The following RASAL2 variants were observed in gnomAD, a reference collection of about 807,000 sequenced individuals.
RASAL2 encodes ras GTPase-activating protein nGAP.
RASAL2 carries 58 observed loss-of-function variants against 128.9 expected under a neutral mutation model. The observed-to-expected ratio is 0.45, with a 90% CI of 0.36 to 0.56. The LOEUF (loss-of-function observed/expected upper bound fraction) is 0.56. RASAL2 is among the 20% of genes least tolerant of loss of function. The pLI is 0.00. For synonymous variants in RASAL2, 561 were observed against 580.8 expected (o/e 0.97, Z 0.49); for missense variants, 1,360 against 1,601.6 (o/e 0.85, Z 2.57).
At chr1:178,306,346 C>A (rs987524167) in intron 3 of RASAL2, among the ~76,000 whole-genome samples, 1 of 151,992 alleles carries the variant, frequency 6.6e-6, no homozygotes, top group Non-Finnish European at 1.5e-5. Context: ...TGAATAGTGC[C>A]GCAATAAACA....
intron 3 of RASAL2, among the ~76,000 whole-genome samples, chr1:178,315,324 C>A (rs779639612): frequency 0.025 from 3,537 of 142,130 alleles, 66 homozygotes; most frequent in Middle Eastern, 0.052. Context: ...ATGGCTGGGT[C>A]AAATGGTATT....
At chr1:178,424,282 G>A (rs975471520) in intron 5 of RASAL2, among the ~76,000 whole-genome samples, 5 of 149,142 alleles carry the variant, frequency 3.4e-5, no homozygotes, top group Admixed American at 6.7e-5. Flanking sequence ...TCACTCTGTC[G>A]CCCAGGCTGG....
intron 5 of RASAL2, among the ~76,000 whole-genome samples, chr1:178,432,258 T>G (rs902635548): frequency 1.3e-5 from 2 of 152,072 alleles, no homozygotes; most frequent in African/African-American, 4.8e-5. Flanking sequence ...TTCATTCATT[T>G]TCTCAACCCA....
Position 178,454,543 on chromosome 1 carries a change from A to C in RASAL2, c.2106A>C (p.Pro702=), listed in dbSNP as rs1481572372. Reference sequence around the variant, plus strand: ...GCTTTCTTTTGGAGATCTCTAATCCAGACACCATCTCAAACACCCCAGGCT... The same window carrying C: ...GCTTTCTTTTGGAGATCTCTAATCCCGACACCATCTCAAACACCCCAGGCT... ...MKRFLLEISN[P]DTISNTPGFD... is the part of the protein sequence containing the mutation. The change falls in exon 12 of 18, where the codon CCA becomes CCC. Residue 702 remains proline (P), a synonymous_variant. Coordinates refer to ENST00000367649, the MANE Select transcript of RASAL2 (RefSeq NM_170692.4). 1 of 1,613,892 alleles carries C rather than the reference A, an allele frequency of 6.2e-7. No homozygotes were observed. Among genetic ancestry groups the C allele is most frequent in the Non-Finnish European group, 8.5e-7 (1 of 1,179,760 alleles).
intron 1 of RASAL2, chr1:178,120,878 C>T (rs773421942): frequency 2.6e-5 from 4 of 152,302 alleles, no homozygotes; most frequent in African/African-American, 4.8e-5. Flanking sequence ...AGGTGGAGCT[C>T]AGGCAGTAAT....
At chr1:178,113,424 A>G (rs1194216911) in intron 1 of RASAL2, among the ~76,000 whole-genome samples, 1 of 151,500 alleles carries the variant, frequency 6.6e-6, no homozygotes, top group South Asian at 2.1e-4. Flanking sequence ...CCCACCTCAG[A>G]TTCCTTAGTA....
At chr1:178,290,618 T>C (rs1262850207) in intron 2 of RASAL2, among the ~76,000 whole-genome samples, 2 of 152,220 alleles carry the variant, frequency 1.3e-5, no homozygotes, top group African/African-American at 4.8e-5. Flanking sequence ...CACTTTAAAA[T>C]AGTAAATTTT....
At chr1:178,153,478 C>G (rs904767645) in intron 1 of RASAL2, among the ~76,000 whole-genome samples, 1 of 152,146 alleles carries the variant, frequency 6.6e-6, no homozygotes, top group East Asian at 1.9e-4. Flanking sequence ...CTTATTTTCA[C>G]CCCCAGATGT....
At chr1:178,285,367 G>A (rs1373191964) in intron 2 of RASAL2, among the ~76,000 whole-genome samples, 1 of 151,696 alleles carries the variant, frequency 6.6e-6, no homozygotes, top group Admixed American at 6.6e-5. Context: ...TGATCCACCC[G>A]CCTCGGCCTC....
chr1:178,203,198 C>T (rs1662932893), intron 1 of RASAL2, among the ~76,000 whole-genome samples: 1 of 152,204 alleles, frequency 6.6e-6, no homozygotes, highest in African/African-American at 2.4e-5. Flanking sequence ...GCCTTATCCA[C>T]TGTCATGGTA....
At chr1:178,388,025 C>G (rs1672683898) in intron 3 of RASAL2, among the ~76,000 whole-genome samples, 1 of 151,750 alleles carries the variant, frequency 6.6e-6, no homozygotes, top group Non-Finnish European at 1.5e-5. Context: ...TCATTTTATC[C>G]CAGCTAATGA....
At chr1:178,111,184 C>T (rs74987882) in intron 1 of RASAL2, among the ~76,000 whole-genome samples, 2 of 152,236 alleles carry the variant, frequency 1.3e-5, no homozygotes, top group East Asian at 3.9e-4. Context: ...TTTTGATGAA[C>T]ATTTGAGTTG....
intron 1 of RASAL2, among the ~76,000 whole-genome samples, chr1:178,251,143 G>A (rs1421654205): frequency 6.6e-6 from 1 of 152,138 alleles, no homozygotes; most frequent in Non-Finnish European, 1.5e-5. Context: ...TTGGGAAACT[G>A]GTTAACCTTT....
chr1:178,471,371 C>T (rs1480238569), intron 17 of RASAL2, among the ~76,000 whole-genome samples: 40 of 152,044 alleles, frequency 2.6e-4, no homozygotes, highest in Admixed American at 2.6e-3. Context: ...TATTTGTTAT[C>T]CCAGTAAACT....
intron 1 of RASAL2, among the ~76,000 whole-genome samples, chr1:178,134,482 A>T (rs1300803589): frequency 1.3e-5 from 2 of 150,576 alleles, no homozygotes; most frequent in Admixed American, 6.6e-5. Flanking sequence ...AAAAAAAAGA[A>T]GGATTAGATG....
At chr1:178,377,918 A>G (rs1208267355) in intron 3 of RASAL2, among the ~76,000 whole-genome samples, 2 of 152,104 alleles carry the variant, frequency 1.3e-5, no homozygotes, top group South Asian at 4.1e-4. Context: ...GAGTAAAAAT[A>G]GAGTATTTTT....
chr1:178,108,207 T>A (rs1329473318), intron 1 of RASAL2, among the ~76,000 whole-genome samples: 2 of 152,228 alleles, frequency 1.3e-5, no homozygotes, highest in Non-Finnish European at 2.9e-5. Context: ...ATTAATGATA[T>A]TGAGCATATT....
chr1:178,310,239 A>T (rs753164164), intron 3 of RASAL2, among the ~76,000 whole-genome samples: 16 of 152,230 alleles, frequency 1.1e-4, no homozygotes, highest in Non-Finnish European at 2.1e-4. Flanking sequence ...ATTTTGTGTT[A>T]TGTGCAAATT....
In RASAL2 at chr1:178,106,285, G is replaced by C. The variant is rs538313651; in HGVS notation, c.202+11591G>C. Among the ~76,000 whole-genome samples, 319 of 152,266 alleles carry C rather than the reference G, an allele frequency of 2.1e-3. 2 individuals carry two copies. The highest frequency in any genetic ancestry group is 7.1e-3 in the African/African-American group (296 of 41,552). ...CTTTGCCTGGCTATAATCTATATTT[G>C]CATGTTCCAGTTTGTGCTGAAGTAT... is the stretch of plus-strand genomic sequence containing the variant. On this transcript the variant is annotated intron_variant, in intron 1 of 17. Transcript: ENST00000367649.
Sources: gnomAD v4.1 joint callset for allele counts (sites outside exome capture counted in the v4.1 genomes callset) on GRCh38, gnomAD v4.1.1 for gene constraint, MANE v1.5 for transcripts, NCBI Gene and HGNC (gene_info 2026-07-23, HGNC 2026-07-21) for gene names.